Variants in THOC1 observed in about 807,000 individuals in gnomAD.
The protein encoded by THOC1 is THO complex 1.
THOC1 carries 29 observed loss-of-function variants against 97.3 expected under a neutral mutation model. The observed-to-expected ratio is 0.30, with a 90% CI of 0.22 to 0.41. The LOEUF is 0.41. Among genes scored for constraint, THOC1 ranks in the 10% least tolerant of loss-of-function variants. THOC1 has a pLI of 1.00. For missense variants in THOC1, 529 were observed against 761.9 expected, an observed-to-expected ratio of 0.69 and a Z score of 3.60; for synonymous variants, 255 against 257.0, an observed-to-expected ratio of 0.99 and a Z score of 0.07.
intron 9 of THOC1, among the ~76,000 whole-genome samples, chr18:250,127 AG>A (rs1330491266): frequency 4.6e-5 from 7 of 152,158 alleles, no homozygotes; most frequent in Non-Finnish European, 7.3e-5. Flanking sequence ...TGGGTATTTG[AG>A]GTGTCTTACA....
At chr18:239,935 C>G (rs536358940) in intron 11 of THOC1, among the ~76,000 whole-genome samples, 3 of 151,982 alleles carry the variant, frequency 2.0e-5, no homozygotes, top group Admixed American at 6.6e-5. Flanking sequence ...TCCAGGAGTC[C>G]AAAATTATTG....
In THOC1 at chr18:268,029, T is replaced by C. The variant is rs753677201; in HGVS notation, c.-10A>G. 16 of 1,576,400 alleles carry C rather than the reference T, an allele frequency of 1.0e-5. No homozygotes were observed. Among genetic ancestry groups the C allele is most frequent in the Non-Finnish European group, 1.4e-5 (16 of 1,160,866 alleles). ...GCGGCGTCGGAGACATCTTCTCGGC[T>C]GCGCGTGCCCGCCACTGCGCTGCGG... is the stretch of plus-strand genomic sequence containing the variant. On this transcript the variant is annotated 5_prime_UTR_variant, in exon 1 of 21. Coordinates refer to ENST00000261600, the MANE Select transcript of THOC1 (RefSeq NM_005131.3).
chr18:265,598 T>TTCATTGATAGTGTA (rs1912742525), intron 1 of THOC1, 68 bp from the exon 2 acceptor site: 2 of 1,264,818 alleles, frequency 1.6e-6, no homozygotes, highest in African/African-American at 3.0e-5. Context: ...AAATATATCG[T>TTCATTGATAGTGTA]TCATTGATAG....
At position 259,920 on chromosome 18, in the gene THOC1, CTAAG is replaced by C. The variant is rs551151179; in HGVS notation, c.376-194_376-191del. 1.3e-4 allele frequency: 68 copies of C among 542,802 alleles called. No homozygotes were observed. The South Asian group carries it at 1.7e-3, about 13-fold the overall frequency. The allele number at this position is 542,802 out of a possible 1,614,324, so 33.6% of individuals were successfully genotyped here. Reference sequence around the variant, plus strand: ...TTTTCAGATATAAGAAAACATGATACTAAGTAACTGTTTTAAACATGTGAAAGTG... The same window carrying C: ...TTTTCAGATATAAGAAAACATGATACTAACTGTTTTAAACATGTGAAAGTG... On this transcript the variant is annotated intron_variant, in intron 5 of 20. Transcript: ENST00000261600.
At chr18:228,031 C>T (rs1911357463) in intron 11 of THOC1, among the ~76,000 whole-genome samples, 1 of 152,166 alleles carries the variant, frequency 6.6e-6, no homozygotes, top group Non-Finnish European at 1.5e-5. Flanking sequence ...TTTATATTAA[C>T]TCTCCTATCC....
chr18:230,841 T>A (rs1911460474), intron 11 of THOC1, among the ~76,000 whole-genome samples: 1 of 152,204 alleles, frequency 6.6e-6, no homozygotes, highest in Non-Finnish European at 1.5e-5. Flanking sequence ...GCTCAACCAA[T>A]TCTCTCGCCT....
intron 9 of THOC1, among the ~76,000 whole-genome samples, chr18:248,501 AG>A (rs1296656790): frequency 6.6e-6 from 1 of 152,192 alleles, no homozygotes; most frequent in Non-Finnish European, 1.5e-5. Context: ...CTTCGATATG[AG>A]GGGGAAAAAT....
intron 12 of THOC1, 28 bp from the exon 13 acceptor site, chr18:225,431 T>G (rs369124542): frequency 4.4e-6 from 7 of 1,600,854 alleles, no homozygotes; most frequent in Non-Finnish European, 6.0e-6. Context: ...GAAAGCATGC[T>G]TGAGTTACAG....
At chr18:236,313 A>G (rs1481721187) in intron 11 of THOC1, among the ~76,000 whole-genome samples, 1 of 151,490 alleles carries the variant, frequency 6.6e-6, no homozygotes, top group Admixed American at 6.6e-5. Context: ...ATGGAATTAC[A>G]GAACTCAGCT....
At position 239,462 on chromosome 18, in the gene THOC1, G is replaced by A. The variant is rs186020169; in HGVS notation, c.918+6862C>T. Among the ~76,000 whole-genome samples, 7 of 152,110 alleles carry A rather than the reference G, an allele frequency of 4.6e-5. No homozygotes were observed. In the East Asian group the frequency reaches 1.4e-3, roughly 29 times the overall value. On this transcript the variant is annotated intron_variant, in intron 11 of 20. Transcript: ENST00000261600. ...TGGGATCATAGGCACCTGCCACCAC[G>A]CCCGGCTAATTTTTTGTATTTTTAG... is the stretch of plus-strand genomic sequence containing the variant.
chr18:250,390 TC>T (rs1001662697), intron 9 of THOC1, among the ~76,000 whole-genome samples: 12 of 152,320 alleles, frequency 7.9e-5, no homozygotes, highest in African/African-American at 2.6e-4. Flanking sequence ...TTTTGAATTT[TC>T]TGTTTACCCA....
chr18:227,091 T>G (rs748353258), intron 11 of THOC1, among the ~76,000 whole-genome samples, 190 bp from the exon 12 acceptor site: 7 of 152,212 alleles, frequency 4.6e-5, no homozygotes, highest in African/African-American at 9.7e-5. Flanking sequence ...TTCACTTAGA[T>G]TTCTTGACTG....
intron 4 of THOC1, among the ~76,000 whole-genome samples, chr18:261,722 A>AT (rs927671682): frequency 3.9e-5 from 6 of 152,244 alleles, no homozygotes; most frequent in Non-Finnish European, 8.8e-5. Flanking sequence ...TTTGAGAAGC[A>AT]TATTTTCTGC....
Position 214,647 on chromosome 18 carries a change from A to G in THOC1, c.1953T>C (p.Asn651=), listed in dbSNP as rs772653597. 6.2e-7 allele frequency: 1 copy of G among 1,612,256 alleles called. No individual in the cohort carries two copies. Among genetic ancestry groups the G allele is most frequent in the South Asian group, 1.1e-5 (1 of 90,474 alleles). ...GAAGCTAACTATTTGTCTCATTGTC[A>G]TTAGTTAGACTTTCTGCAAGGTCAC... ...GLSDLAESLT[N]DNETNS is the part of the protein sequence containing the mutation. Residue 651 remains asparagine, a synonymous_variant, in exon 21 of 21, where the codon AAT becomes AAC. Transcript: ENST00000261600.
intron 17 of THOC1, among the ~76,000 whole-genome samples, chr18:220,473 G>T (rs1911039365): frequency 6.6e-6 from 1 of 151,980 alleles, no homozygotes; most frequent in Non-Finnish European, 1.5e-5. Flanking sequence ...CTACTAGTGG[G>T]GCACAGACAT....
Position 228,147 on chromosome 18 carries a change from G to A in THOC1, c.919-1246C>T, listed in dbSNP as rs189390561. The stretch of plus-strand genomic sequence containing the variant: ...GTTAGTTCCTTGCCCTTAACTCCAC[G>A]GACAGGCCCATCTCTGCTCCAGCTA... On this transcript the variant is annotated intron_variant, in intron 11 of 20. Coordinates refer to ENST00000261600, the MANE Select transcript of THOC1 (RefSeq NM_005131.3). 3.6e-3 allele frequency among the ~76,000 whole-genome samples: 548 copies of A among 152,048 alleles called. 3 individuals are homozygous for A. Among genetic ancestry groups the A allele is most frequent in the Admixed American group, 5.4e-3 (82 of 15,272 alleles).
At chr18:243,295 G>C (rs1911971113) in intron 11 of THOC1, among the ~76,000 whole-genome samples, 1 of 152,188 alleles carries the variant, frequency 6.6e-6, no homozygotes, top group Non-Finnish European at 1.5e-5. Flanking sequence ...GATACTATTA[G>C]AAAGCCAAGT....
intron 1 of THOC1, among the ~76,000 whole-genome samples, chr18:267,396 AC>A (rs1279657575): frequency 6.6e-6 from 1 of 152,108 alleles, no homozygotes. Flanking sequence ...AATGCTCAAA[AC>A]CACCCTTCCA....
intron 7 of THOC1, 95 bp downstream of exon 7, chr18:259,085 A>G: frequency 1.1e-6 from 1 of 932,966 alleles, no homozygotes; most frequent in Non-Finnish European, 1.6e-6. Context: ...TCAACTTTTT[A>G]GAACCATTTT....
Sources: gnomAD v4.1 joint callset for allele counts (sites outside exome capture counted in the v4.1 genomes callset) on GRCh38, gnomAD v4.1.1 for gene constraint, MANE v1.5 for transcripts, NCBI Gene and HGNC (gene_info 2026-07-23, HGNC 2026-07-21) for gene names.